Variants in CDYL2 observed in about 807,000 individuals in gnomAD.
The protein encoded by CDYL2 is chromodomain Y-like protein 2.
In CDYL2, 23 loss-of-function variants were observed where a neutral mutation model predicts 49.4. That is an observed-to-expected ratio of 0.47 (90% CI 0.34 to 0.66). The LOEUF (loss-of-function observed/expected upper bound fraction) is 0.66, where lower values mean the gene tolerates loss of function less well. Ranked by LOEUF, CDYL2 falls within the 30% of genes least tolerant of loss-of-function variation. The pLI, the probability that CDYL2 is intolerant of heterozygous loss-of-function variation, is 0.01. For synonymous variants in CDYL2, 360 were observed against 268.8 expected (o/e 1.34, Z -3.32); for missense variants, 678 against 656.4 (o/e 1.03, Z -0.36).
At chr16:80,610,698 G>C (rs1906554590) in intron 5 of CDYL2, among the ~76,000 whole-genome samples, 1 of 152,172 alleles carries the variant, frequency 6.6e-6, no homozygotes, top group African/African-American at 2.4e-5. Flanking sequence ...CTTCTCTGCT[G>C]TCCAAGAGGC....
At position 80,598,092 on chromosome 16, in the gene CDYL2, C is replaced by T. The variant is rs979156711; in HGVS notation, c.*6296G>A. The T allele has an allele frequency of 2.6e-5, 4 of 152,100 alleles. No homozygotes were observed. Among genetic ancestry groups the T allele is most frequent in the Non-Finnish European group, 4.4e-5 (3 of 68,010 alleles). 9.4% of individuals were successfully genotyped at this position (152,100 alleles called of 1,614,324 possible). A position where few individuals can be genotyped will look rare whatever the true frequency, so the allele number is the denominator to read the frequency against. On this transcript the variant is annotated 3_prime_UTR_variant, in exon 7 of 7. Coordinates refer to ENST00000570137, the MANE Select transcript of CDYL2 (RefSeq NM_152342.4). ...TTTGATAAATCAGAAGATTATTATC[C>T]CTCAGTACTGCACCCAGTCTCAGTA...
At chr16:80,759,638 G>A (rs1170807942) in intron 1 of CDYL2, among the ~76,000 whole-genome samples, 1 of 152,104 alleles carries the variant, frequency 6.6e-6, no homozygotes, top group African/African-American at 2.4e-5. Context: ...TCTCTGAGGT[G>A]GAAAAACACA....
At chr16:80,750,714 T>C (rs1365939028) in intron 1 of CDYL2, among the ~76,000 whole-genome samples, 1 of 152,186 alleles carries the variant, frequency 6.6e-6, no homozygotes, top group Non-Finnish European at 1.5e-5. Context: ...TATGTCCAAA[T>C]GATTTTATTA....
At chr16:80,704,371 T>C (rs777977353) in intron 1 of CDYL2, among the ~76,000 whole-genome samples, 8 of 152,246 alleles carry the variant, frequency 5.3e-5, no homozygotes, top group Non-Finnish European at 1.2e-4. Flanking sequence ...ATTCAACAAA[T>C]GCTTATCAAG....
intron 1 of CDYL2, among the ~76,000 whole-genome samples, chr16:80,748,531 A>C (rs1335972589): frequency 1.4e-5 from 2 of 143,922 alleles, no homozygotes; most frequent in African/African-American, 2.6e-5. Flanking sequence ...AAAAAAAAAA[A>C]AAAAAAAAAC....
chr16:80,743,938 A>G (rs1369637741), intron 1 of CDYL2, among the ~76,000 whole-genome samples: 1 of 152,072 alleles, frequency 6.6e-6, no homozygotes, highest in Admixed American at 6.5e-5. Context: ...GTGGGACTGT[A>G]CTATTCCTCC....
At chr16:80,716,477 G>A (rs1456497922) in intron 1 of CDYL2, among the ~76,000 whole-genome samples, 2 of 151,750 alleles carry the variant, frequency 1.3e-5, no homozygotes, top group African/African-American at 4.8e-5. Flanking sequence ...CGGATAGCTG[G>A]ATGAACAATG....
intron 3 of CDYL2, among the ~76,000 whole-genome samples, chr16:80,631,696 T>A (rs28758756): frequency 0.056 from 8,471 of 152,020 alleles, 717 homozygotes; most frequent in African/African-American, 0.18. Context: ...TGCCTAAAAG[T>A]CAACCATAGA....
intron 2 of CDYL2, among the ~76,000 whole-genome samples, chr16:80,683,565 AAG>A (rs1385937928): frequency 1.0e-5 from 1 of 99,378 alleles, no homozygotes; most frequent in African/African-American, 3.2e-5. Flanking sequence ...TGCCAATCGA[AAG>A]AATTAGTGCA....
chr16:80,701,672 A>G (rs1200601360), intron 1 of CDYL2, among the ~76,000 whole-genome samples: 1 of 152,236 alleles, frequency 6.6e-6, no homozygotes, highest in African/African-American at 2.4e-5. Flanking sequence ...AGCTGTATGT[A>G]CCATGTTTCT....
intron 3 of CDYL2, among the ~76,000 whole-genome samples, chr16:80,629,849 G>A (rs1245323582): frequency 6.6e-6 from 1 of 152,172 alleles, no homozygotes; most frequent in Non-Finnish European, 1.5e-5. Flanking sequence ...ACATTAAATG[G>A]CCTCTGCTTC....
chr16:80,748,155 T>TAATAAC (rs1343528751), intron 1 of CDYL2, among the ~76,000 whole-genome samples: 1 of 142,438 alleles, frequency 7.0e-6, no homozygotes, highest in Non-Finnish European at 1.5e-5. Flanking sequence ...ATAATAATAA[T>TAATAAC]AATAATAATA....
intron 5 of CDYL2, among the ~76,000 whole-genome samples, chr16:80,610,718 G>A (rs1425834292): frequency 6.6e-6 from 1 of 152,192 alleles, no homozygotes; most frequent in Non-Finnish European, 1.5e-5. Flanking sequence ...CATGATGACA[G>A]CACCAAGCTC....
intron 1 of CDYL2, among the ~76,000 whole-genome samples, chr16:80,758,929 C>G (rs1906415608): frequency 6.6e-6 from 1 of 151,338 alleles, no homozygotes. Context: ...CCTCTGGGTT[C>G]TATAATATAA....
intron 1 of CDYL2, among the ~76,000 whole-genome samples, chr16:80,708,993 C>T (rs1338584253): frequency 2.6e-5 from 4 of 152,240 alleles, no homozygotes; most frequent in Admixed American, 2.6e-4. Flanking sequence ...GGCAGCAGAG[C>T]TCCTGTTTGC....
chr16:80,729,358 C>T (rs1374315322), intron 1 of CDYL2, among the ~76,000 whole-genome samples: 1 of 151,908 alleles, frequency 6.6e-6, no homozygotes, highest in Non-Finnish European at 1.5e-5. Flanking sequence ...CAAAGAAGGC[C>T]ATTACATAAT....
At chr16:80,617,290 G>C (rs1332564451) in intron 4 of CDYL2, among the ~76,000 whole-genome samples, 1 of 152,226 alleles carries the variant, frequency 6.6e-6, no homozygotes, top group Non-Finnish European at 1.5e-5. Context: ...GGCATGCCTG[G>C]TCAGCCCTAC....
chr16:80,749,033 A>G (rs982471212), intron 1 of CDYL2, among the ~76,000 whole-genome samples: 1 of 152,224 alleles, frequency 6.6e-6, no homozygotes, highest in African/African-American at 2.4e-5. Context: ...TGTAAACTGG[A>G]TATACACTGT....
At chr16:80,752,024 C>T (rs1464795628) in intron 1 of CDYL2, among the ~76,000 whole-genome samples, 1 of 152,012 alleles carries the variant, frequency 6.6e-6, no homozygotes, top group Non-Finnish European at 1.5e-5. Flanking sequence ...AATAAATCCA[C>T]AGAAGATATA....
Sources: allele counts gnomAD v4.1 joint callset (sites outside exome capture counted in the v4.1 genomes callset), GRCh38; gene constraint gnomAD v4.1.1; transcripts MANE v1.5; gene names NCBI Gene and HGNC (gene_info 2026-07-23, HGNC 2026-07-21).